The following TGM5 variants were observed in gnomAD, a reference collection of about 807,000 sequenced individuals.
TGM5 encodes protein-glutamine gamma-glutamyltransferase 5.
TGM5 carries 69 observed loss-of-function variants against 77.2 expected under a neutral mutation model. The observed-to-expected ratio is 0.89, with a 90% CI of 0.74 to 1.09. The LOEUF is 1.09. TGM5 is among the 50% of genes least tolerant of loss of function. TGM5 has a pLI of 0.00. For synonymous variants in TGM5, 346 were observed against 351.8 expected, an observed-to-expected ratio of 0.98 and a Z score of 0.18; for missense variants, 842 against 896.5, an observed-to-expected ratio of 0.94 and a Z score of 0.78.
intron 6 of TGM5, among the ~76,000 whole-genome samples, chr15:43,251,581 C>A (rs1422050603): frequency 6.6e-6 from 1 of 152,180 alleles, no homozygotes; most frequent in East Asian, 1.9e-4. Flanking sequence ...GCTTCTCTCC[C>A]CAGCTTAACA....
At chr15:43,247,397 T>C (rs1381334287) in intron 6 of TGM5, among the ~76,000 whole-genome samples, 1 of 152,026 alleles carries the variant, frequency 6.6e-6, no homozygotes. Context: ...AAATTAGCAC[T>C]GAGTGACGAA....
intron 6 of TGM5, among the ~76,000 whole-genome samples, chr15:43,252,442 C>G (rs1367172973): frequency 6.6e-6 from 1 of 152,088 alleles, no homozygotes; most frequent in East Asian, 1.9e-4. Flanking sequence ...CTCAGCCTCC[C>G]GAGTAGCTGG....
chr15:43,261,267 T>G (rs2042789066), intron 1 of TGM5, among the ~76,000 whole-genome samples: 1 of 151,750 alleles, frequency 6.6e-6, no homozygotes, highest in Non-Finnish European at 1.5e-5. Context: ...TTTTTTGTAG[T>G]TTTAGTAAAG....
chr15:43,241,545 G>A (rs1398181571), intron 6 of TGM5, among the ~76,000 whole-genome samples: 1 of 152,212 alleles, frequency 6.6e-6, no homozygotes, highest in Non-Finnish European at 1.5e-5. Context: ...GCTTAGAAAA[G>A]TGAGAGTTTC....
intron 6 of TGM5, among the ~76,000 whole-genome samples, chr15:43,242,992 CT>C (rs1199869380): frequency 6.6e-6 from 1 of 152,182 alleles, no homozygotes; most frequent in Non-Finnish European, 1.5e-5. Flanking sequence ...AAGCCTCCCC[CT>C]GCCCTTCACC....
chr15:43,259,315 A>G (rs186388885), intron 3 of TGM5, among the ~76,000 whole-genome samples: 149 of 152,238 alleles, frequency 9.8e-4, no homozygotes, highest in African/African-American at 3.0e-3. Flanking sequence ...AGAAGAAGAA[A>G]AAAAAAAACC....
At chr15:43,252,427 C>A (rs2042710817) in intron 6 of TGM5, among the ~76,000 whole-genome samples, 1 of 152,158 alleles carries the variant, frequency 6.6e-6, no homozygotes, top group Non-Finnish European at 1.5e-5. Context: ...AAGCAATTCT[C>A]CTGCCTCAGC....
At chr15:43,244,751 C>G (rs1029148633) in intron 6 of TGM5, among the ~76,000 whole-genome samples, 4 of 152,112 alleles carry the variant, frequency 2.6e-5, no homozygotes, top group Admixed American at 6.5e-5. Flanking sequence ...GGTAGTGGAC[C>G]ATGTCCTAAT....
At chr15:43,233,824 C>T (rs893718463) in intron 11 of TGM5, 137 bp from the exon 12 acceptor site, 12 of 1,048,502 alleles carry the variant, frequency 1.1e-5, no homozygotes, top group East Asian at 5.2e-5. Context: ...TTCTTTGAGC[C>T]GAAGACAATT....
At chr15:43,239,354 T>C (rs1007610356) in intron 7 of TGM5, 88 bp from the exon 8 acceptor site, 1 of 1,363,236 alleles carries the variant, frequency 7.3e-7, no homozygotes, top group South Asian at 1.2e-5. Context: ...AACTGTTGGA[T>C]AGAAAGACAG....
chr15:43,259,943 G>C, intron 3 of TGM5, 109 bp downstream of exon 3: 1 of 1,518,914 alleles, frequency 6.6e-7, no homozygotes, highest in Admixed American at 1.7e-5. Context: ...GCAGGGAATT[G>C]AGGAGGCTCT....
At chr15:43,239,557 A>G in intron 7 of TGM5, 3 of 450,862 alleles carry the variant, frequency 6.7e-6, no homozygotes, top group South Asian at 6.4e-5. Context: ...GCACATGCCT[A>G]TAGTCCCACC....
At chr15:43,239,323 C>T (rs1596442291) in intron 7 of TGM5, 57 bp from the exon 8 acceptor site, 9 of 1,554,540 alleles carry the variant, frequency 5.8e-6, no homozygotes, top group Non-Finnish European at 6.2e-6. Flanking sequence ...TAGAACAAGG[C>T]AAGGGAGGGA....
intron 4 of TGM5, among the ~76,000 whole-genome samples, chr15:43,255,013 C>T (rs540090569): frequency 3.3e-5 from 5 of 152,028 alleles, no homozygotes; most frequent in Admixed American, 6.6e-5. Flanking sequence ...ACTGAGCAGG[C>T]GATCAATATA....
chr15:43,244,353 C>A (rs748210433), intron 6 of TGM5, among the ~76,000 whole-genome samples: 1 of 152,200 alleles, frequency 6.6e-6, no homozygotes, highest in East Asian at 1.9e-4. Flanking sequence ...AGTGAGGCAC[C>A]TTTAACCTGT....
In TGM5 at chr15:43,235,570, T is replaced by C; in HGVS notation, c.1613A>G (p.Asp538Gly). The change falls in exon 10 of 13, where the codon GAC becomes GGC. Residue 538 changes from aspartate to glycine, a missense_variant. By Grantham distance (94) the Asp-to-Gly change is moderately conservative. Around this residue, in one of 2 missense-constraint regions of TGM5, gnomAD observed 815 missense variants for 844.6 expected, o/e 0.96. Coordinates refer to ENST00000220420, the MANE Select transcript of TGM5 (RefSeq NM_201631.4). ...CTGGGCACTCAGGTTCACTTTGAGG[T>C]CCTTGAACTGGGAGGACATGTTGAG... ...LALNMSSQFK[D>G]LKVNLSAQSL... The C allele has an allele frequency of 6.2e-7, 1 of 1,614,066 alleles. No homozygotes were observed.
At chr15:43,260,362 GAC>G (rs756954824) in intron 2 of TGM5, 36 bp downstream of exon 2, 15 of 1,614,018 alleles carry the variant, frequency 9.3e-6, no homozygotes, top group Non-Finnish European at 1.3e-5. Context: ...TCCCCTCCCA[GAC>G]ACACACAGCC....
At chr15:43,257,751 T>C (rs1347003016) in intron 3 of TGM5, among the ~76,000 whole-genome samples, 1 of 152,152 alleles carries the variant, frequency 6.6e-6, no homozygotes, top group Non-Finnish European at 1.5e-5. Context: ...GGATTATAAA[T>C]CATGCTGCTA....
At chr15:43,266,060 T>C (rs770638446) in intron 1 of TGM5, among the ~76,000 whole-genome samples, 3 of 152,236 alleles carry the variant, frequency 2.0e-5, no homozygotes, top group Non-Finnish European at 4.4e-5. Context: ...TAACAGTGTT[T>C]ACTCTGGAGA....
Sources: allele counts gnomAD v4.1 joint callset (sites outside exome capture counted in the v4.1 genomes callset), GRCh38; gene constraint gnomAD v4.1.1; regional missense constraint gnomAD v4.1.1; transcripts MANE v1.5; gene names NCBI Gene and HGNC (gene_info 2026-07-23, HGNC 2026-07-21).